The following TTC7B variants were observed in gnomAD, a reference collection of about 807,000 sequenced individuals.
TTC7B encodes the protein tetratricopeptide repeat domain 7B, also known as tetratricopeptide repeat protein 7B.
Under a neutral mutation model 106.8 loss-of-function variants are expected in TTC7B, and 28 were observed. The ratio of observed to expected loss-of-function variants is 0.26; its 90% CI spans 0.19 to 0.36. The LOEUF (loss-of-function observed/expected upper bound fraction) is 0.36, where lower values mean the gene tolerates loss of function less well. Ranked by LOEUF, TTC7B falls within the 10% of genes least tolerant of loss-of-function variation. The pLI, the probability that TTC7B is intolerant of heterozygous loss-of-function variation, is 1.00. For missense variants in TTC7B, 862 were observed against 1,076.4 expected (o/e 0.80, Z 2.79); for synonymous variants, 405 against 430.6 (o/e 0.94, Z 0.74).
Position 90,644,095 on chromosome 14 carries a change from A to T in TTC7B, c.1704T>A (p.Ala568=), listed in dbSNP as rs200054130. Residue 568 remains alanine, a synonymous_variant, in exon 15 of 20, where the codon GCT becomes GCA. Transcript: ENST00000328459. ...LLSAQKHYHD[A]LNIIDMALSE... Reference sequence around the variant, plus strand: ...TCAGGGCCATGTCGATGATGTTCAGAGCGTCATGGTAATGCTTCTGTGCTG... The same window carrying T: ...TCAGGGCCATGTCGATGATGTTCAGTGCGTCATGGTAATGCTTCTGTGCTG... 38 of 1,614,084 alleles carry T rather than the reference A, an allele frequency of 2.4e-5. No homozygotes were observed. The African/African-American group carries it at 5.1e-4, about 22-fold the overall frequency.
chr14:90,729,703 G>A (rs925576320), intron 5 of TTC7B, among the ~76,000 whole-genome samples: 1 of 152,190 alleles, frequency 6.6e-6, no homozygotes, highest in Non-Finnish European at 1.5e-5. Flanking sequence ...CGATGCTCCT[G>A]TGTGCCAGGA....
intron 5 of TTC7B, among the ~76,000 whole-genome samples, chr14:90,706,375 G>C (rs1888213434): frequency 6.6e-6 from 1 of 152,030 alleles, no homozygotes; most frequent in Admixed American, 6.5e-5. Context: ...GTGTTAACCA[G>C]GATGGTCTCG....
At chr14:90,680,286 C>T (rs910831310) in intron 8 of TTC7B, among the ~76,000 whole-genome samples, 186 bp downstream of exon 8, 1 of 152,178 alleles carries the variant, frequency 6.6e-6, no homozygotes, top group Non-Finnish European at 1.5e-5. Context: ...AGGGACATTG[C>T]TAGCTGGTCC....
chr14:90,690,552 A>G (rs1466780195), intron 6 of TTC7B, among the ~76,000 whole-genome samples: 1 of 152,232 alleles, frequency 6.6e-6, no homozygotes, highest in East Asian at 1.9e-4. Context: ...GATGTATGTC[A>G]GTTCACTTAG....
rs546478126 is a variant in TTC7B at position 90,575,082 on chromosome 14, G to A, written c.2310+3024C>T. ...TCCGCCACTCTCCGCCACACAGGTCGGGGCCCTGCCTCCTCCCTGGGGCTT... is the reference window on the plus strand; with the variant it reads ...TCCGCCACTCTCCGCCACACAGGTCAGGGCCCTGCCTCCTCCCTGGGGCTT... On this transcript the variant is annotated intron_variant, in intron 19 of 19. Coordinates refer to ENST00000328459, the MANE Select transcript of TTC7B (RefSeq NM_001010854.2). The surrounding 1 kb of genome is among the most constrained non-coding windows in gnomAD (Gnocchi z 5.2). Among the ~76,000 whole-genome samples, 9 of 152,254 alleles carry A rather than the reference G, an allele frequency of 5.9e-5. No individual in the cohort carries two copies. The highest frequency in any genetic ancestry group is 2.1e-4 in the South Asian group (1 of 4,822).
intron 3 of TTC7B, among the ~76,000 whole-genome samples, chr14:90,765,915 A>G (rs1890659851): frequency 2.0e-5 from 3 of 152,154 alleles, no homozygotes; most frequent in Non-Finnish European, 4.4e-5. Context: ...CATCCAGAGG[A>G]TTTAAAGGGC....
rs923127541 is a variant in TTC7B at position 90,538,413 on chromosome 14, G to A, written c.*2955C>T. On this transcript the variant is annotated 3_prime_UTR_variant, in exon 20 of 20. Transcript: ENST00000328459. The stretch of plus-strand genomic sequence containing the variant: ...GAAGGCCAGAGCCATGAGAGGGCTT[G>A]GGGAAGGAGAGGCAGCCAGGCACAC... The A allele has an allele frequency of 6.6e-6, 1 of 152,548 alleles. No homozygotes were observed. Among genetic ancestry groups the A allele is most frequent in the Non-Finnish European group, 1.5e-5 (1 of 68,226 alleles). The allele number at this position is 152,548 out of a possible 1,614,324, so 9.4% of individuals were successfully genotyped here. A position where few individuals can be genotyped will look rare whatever the true frequency, so the allele number is the denominator to read the frequency against.
intron 3 of TTC7B, among the ~76,000 whole-genome samples, chr14:90,780,429 AAGAG>A (rs1172485824): frequency 7.2e-5 from 9 of 124,814 alleles, no homozygotes; most frequent in Non-Finnish European, 9.8e-5. Context: ...GAAAGAAAGA[AAGAG>A]AGAGAGAGAG....
intron 1 of TTC7B, among the ~76,000 whole-genome samples, chr14:90,813,331 C>A (rs2031005173): frequency 6.6e-6 from 1 of 152,160 alleles, no homozygotes; most frequent in African/African-American, 2.4e-5. Flanking sequence ...TGTCTCCCTG[C>A]CCCTTTCCTA....
chr14:90,813,664 A>G (rs1423561836), intron 1 of TTC7B, among the ~76,000 whole-genome samples: 1 of 144,280 alleles, frequency 6.9e-6, no homozygotes, highest in Non-Finnish European at 1.5e-5. Context: ...GGCTCCAAAC[A>G]CTGTATTCTT....
intron 7 of TTC7B, among the ~76,000 whole-genome samples, chr14:90,680,936 A>G (rs1384000232): frequency 1.3e-5 from 2 of 152,248 alleles, no homozygotes; most frequent in African/African-American, 4.8e-5. Context: ...GCTAACTGGC[A>G]TATCTTATAC....
chr14:90,580,558 C>T (rs762899324), intron 18 of TTC7B, among the ~76,000 whole-genome samples: 2 of 152,168 alleles, frequency 1.3e-5, no homozygotes, highest in Non-Finnish European at 2.9e-5. Flanking sequence ...TGGCACACTG[C>T]CCTTATCTGC....
chr14:90,601,901 G>T (rs775927880), intron 17 of TTC7B: 2 of 309,096 alleles, frequency 6.5e-6, no homozygotes, highest in Non-Finnish European at 1.3e-5. Context: ...GCGATGCGGC[G>T]AGTTGCCGGG....
rs1327285612 is a variant in TTC7B at position 90,757,673 on chromosome 14, T to C, written c.446-12751A>G. Among the ~76,000 whole-genome samples, 1 of 152,126 alleles carries C rather than the reference T, an allele frequency of 6.6e-6. No individual in the cohort carries two copies. The highest frequency in any genetic ancestry group is 1.5e-5 in the Non-Finnish European group (1 of 68,014). ...ACTTTTTCTGCCGGGGAAAAGGCAA[T>C]GTCAGTGGTCACTTGTCTGTCCTAC... On this transcript the variant is annotated intron_variant, in intron 3 of 19. Transcript: ENST00000328459. The surrounding 1 kb of genome is among the most constrained non-coding windows in gnomAD (Gnocchi z 4.1).
chr14:90,618,237 C>T (rs1893168958), intron 15 of TTC7B, among the ~76,000 whole-genome samples, 192 bp from the exon 16 acceptor site: 1 of 152,224 alleles, frequency 6.6e-6, no homozygotes, highest in Admixed American at 6.5e-5. Context: ...ACAAGTCTCA[C>T]CACTAACGCA....
rs866920191 is a variant in TTC7B at position 90,742,221 on chromosome 14, C to A, written c.576+2571G>T. On this transcript the variant is annotated intron_variant, in intron 4 of 19. Coordinates refer to ENST00000328459, the MANE Select transcript of TTC7B (RefSeq NM_001010854.2). This position sits in a 1 kb window ranked among gnomAD's most constrained non-coding sequence, Gnocchi z 4.1. The stretch of plus-strand genomic sequence containing the variant: ...ATGCCTAGCTAGTTTCGTTTCATTT[C>A]GTTTCGTTCGCTTCTTTCTTTCTTC... Among the ~76,000 whole-genome samples, 7 of 151,950 alleles carry A rather than the reference C, an allele frequency of 4.6e-5. No homozygotes were observed. Among genetic ancestry groups the A allele is most frequent in the African/African-American group, 1.2e-4 (5 of 41,368 alleles).
rs2139743379 is a variant in TTC7B, at chr14:90,525,266, T to C, written c.*16102A>G. ...CTACCTGGAGATTCACCCATGTTGC[T>C]GCAGGCACCAAGCCCCTCATATGGA... On this transcript the variant is annotated 3_prime_UTR_variant, in exon 20 of 20. Coordinates refer to ENST00000328459, the MANE Select transcript of TTC7B (RefSeq NM_001010854.2). 1 of 152,410 alleles carries C rather than the reference T, an allele frequency of 6.6e-6. No homozygotes were observed. Among genetic ancestry groups the C allele is most frequent in the South Asian group, 2.1e-4 (1 of 4,828 alleles). 9.4% of individuals were successfully genotyped at this position (152,410 alleles called of 1,614,324 possible).
intron 19 of TTC7B, among the ~76,000 whole-genome samples, chr14:90,554,804 G>T (rs143796514): frequency 2.6e-5 from 4 of 152,224 alleles, no homozygotes; most frequent in Non-Finnish European, 4.4e-5. Flanking sequence ...CAGGGTGCTG[G>T]TTCATGGCCA....
chr14:90,580,077 C>A (rs1891423656), intron 18 of TTC7B, among the ~76,000 whole-genome samples: 1 of 152,164 alleles, frequency 6.6e-6, no homozygotes. Context: ...CAACAGGCAG[C>A]CAGGCCGAGG....
Sources: gnomAD v4.1 joint callset for allele counts (sites outside exome capture counted in the v4.1 genomes callset) on GRCh38, gnomAD v4.1.1 for gene constraint, Gnocchi (gnomAD v3.1) non-coding constraint, MANE v1.5 for transcripts, NCBI Gene and HGNC (gene_info 2026-07-23, HGNC 2026-07-21) for gene names.